The following DOCK4 variants were observed in gnomAD, a reference collection of about 807,000 sequenced individuals.
DOCK4 encodes the protein dedicator of cytokinesis protein 4.
DOCK4 carries 97 observed loss-of-function variants against 268.1 expected under a neutral mutation model. That is an observed-to-expected ratio of 0.36 (90% confidence interval 0.31 to 0.43). DOCK4 has a LOEUF of 0.43. DOCK4 is among the 20% of genes least tolerant of loss of function. The pLI, the probability that DOCK4 is intolerant of heterozygous loss-of-function variation, is 1.00. For missense variants in DOCK4, 2,145 were observed against 2,455.7 expected, an observed-to-expected ratio of 0.87 and a Z score of 2.67; for synonymous variants, 954 against 887.2, an observed-to-expected ratio of 1.08 and a Z score of -1.34.
chr7:112,083,048 G>A (rs561567158), intron 1 of DOCK4, among the ~76,000 whole-genome samples: 3 of 152,134 alleles, frequency 2.0e-5, no homozygotes, highest in African/African-American at 7.2e-5. Flanking sequence ...AGCATTAATT[G>A]TAGCCCCAAA....
chr7:112,200,719 C>CTAAAA lies in DOCK4; in HGVS notation c.37+5378_37+5382dup, dbSNP rs1452610615. ...CTCGTACTAGCTACCATAACAGCCT[C>CTAAAA]TAAAATAAAAAAAAAAAAACAAAAA... On this transcript the variant is annotated intron_variant, in intron 1 of 52. Coordinates refer to ENST00000428084, the MANE Select transcript of DOCK4 (RefSeq NM_001363540.2). Among the ~76,000 whole-genome samples, 82 of 19,998 alleles carry CTAAAA rather than the reference C, an allele frequency of 4.1e-3. 1 individual carries two copies. The highest frequency in any genetic ancestry group is 7.5e-3 in the Non-Finnish European group (57 of 7,578). The allele number at this position is 19,998 out of a possible 152,430, so 13.1% of individuals were successfully genotyped here. A position where few individuals can be genotyped will look rare whatever the true frequency, so the allele number is the denominator to read the frequency against.
At chr7:112,101,846 T>A (rs1810715199) in intron 1 of DOCK4, among the ~76,000 whole-genome samples, 1 of 66,554 alleles carries the variant, frequency 1.5e-5, no homozygotes, top group African/African-American at 4.9e-5. Flanking sequence ...TTTCTTTTTC[T>A]TTTTTTTTTT....
Position 111,863,492 on chromosome 7 carries a change from T to C in DOCK4, c.2353A>G (p.Asn785Asp). The C allele has an allele frequency of 6.2e-7, 1 of 1,613,986 alleles. No homozygotes were observed. ...CTGCCCAGGGTGTCCTGGACCAAGT[T>C]GGCTACTTCCCGGACATCAAAGAGC... ...LKLFDVREVANLVQDTLGSLP... is the reference protein window; with the variant it reads ...LKLFDVREVADLVQDTLGSLP... The change falls in exon 23 of 53, where the codon AAC (asparagine) becomes GAC (aspartate). Residue 785 changes from asparagine (N) to aspartate (D), a missense_variant. Coordinates refer to ENST00000428084, the MANE Select transcript of DOCK4 (RefSeq NM_001363540.2).
chr7:111,759,416 T>C (rs753996506), intron 40 of DOCK4, among the ~76,000 whole-genome samples: 2 of 152,230 alleles, frequency 1.3e-5, no homozygotes, highest in African/African-American at 2.4e-5. Context: ...TTAACTTGTA[T>C]ATTTACCTCC....
At chr7:112,026,170 T>C (rs1362343627) in intron 1 of DOCK4, among the ~76,000 whole-genome samples, 1 of 152,230 alleles carries the variant, frequency 6.6e-6, no homozygotes, top group African/African-American at 2.4e-5. Flanking sequence ...ACCAGTACCA[T>C]TCCTTGGCCT....
intron 13 of DOCK4, among the ~76,000 whole-genome samples, chr7:111,909,718 G>A (rs373792869): frequency 6.6e-5 from 10 of 152,328 alleles, no homozygotes; most frequent in African/African-American, 2.4e-4. Flanking sequence ...GCAGCACTTT[G>A]GGAAGCTGAG....
chr7:112,193,035 A>G (rs1453067047), intron 1 of DOCK4, among the ~76,000 whole-genome samples: 1 of 152,168 alleles, frequency 6.6e-6, no homozygotes, highest in African/African-American at 2.4e-5. Flanking sequence ...AAGTACTCCT[A>G]ACCCAATGCC....
At chr7:111,756,919 G>A (rs1191594176) in intron 41 of DOCK4, among the ~76,000 whole-genome samples, 1 of 152,048 alleles carries the variant, frequency 6.6e-6, no homozygotes, top group Middle Eastern at 3.2e-3. Flanking sequence ...AAGGCTTTGG[G>A]GGCCAACAGA....
At chr7:112,144,883 T>C (rs1019073141) in intron 1 of DOCK4, among the ~76,000 whole-genome samples, 6 of 152,168 alleles carry the variant, frequency 3.9e-5, no homozygotes, top group African/African-American at 1.4e-4. Flanking sequence ...AGAGGTGTGA[T>C]AAGAGGAATC....
intron 1 of DOCK4, among the ~76,000 whole-genome samples, chr7:112,153,048 A>G (rs554167699): frequency 6.6e-6 from 1 of 152,310 alleles, no homozygotes; most frequent in South Asian, 2.1e-4. Context: ...AAAAGTTTGG[A>G]GTGGCAAATG....
At chr7:112,189,871 CA>C (rs1307212984) in intron 1 of DOCK4, among the ~76,000 whole-genome samples, 1 of 151,432 alleles carries the variant, frequency 6.6e-6, no homozygotes, top group Non-Finnish European at 1.5e-5. Flanking sequence ...CATGAGTCAC[CA>C]CACCCGGCTT....
intron 25 of DOCK4, chr7:111,840,972 TAAC>T (rs1803641223): frequency 1.9e-6 from 1 of 531,836 alleles, no homozygotes; most frequent in South Asian, 1.7e-5. Flanking sequence ...AGAATTATTA[TAAC>T]AACAACAATA....
rs374828225 is a variant in DOCK4 at position 111,844,756 on chromosome 7, A to C, written c.2736+7T>G. ...TGTTCCACGTGCCATCTGCTCTATG[A>C]TCTTACAGTGACATCCTGGAACTGG... On this transcript the variant is annotated splice_region_variant and intron_variant, in intron 25 of 52. Transcript: ENST00000428084. 3.7e-6 allele frequency: 6 copies of C among 1,612,322 alleles called. No homozygotes were observed. The highest frequency in any genetic ancestry group is 4.2e-6 in the Non-Finnish European group (5 of 1,179,202).
In DOCK4 at chr7:111,769,651, C is replaced by T. The variant is rs1797993877; in HGVS notation, c.3706G>A (p.Asp1236Asn). 1.2e-6 allele frequency: 2 copies of T among 1,613,628 alleles called. No homozygotes were observed. Among genetic ancestry groups the T allele is most frequent in the Middle Eastern group, 1.6e-4 (1 of 6,062 alleles). ...CGATCAGACCATTCCAGTAGCTCGT[C>T]ATATAAGAGGAGGGTATATGCAGCT... The part of the protein sequence containing the change: ...TEAAYTLLLY[D>N]ELLEWSDRPL... Residue 1236 changes from aspartate (D) to asparagine (N), a missense_variant, in exon 37 of 53, where the codon GAC becomes AAC. By Grantham distance (23) the Asp-to-Asn change is conservative. Around this residue, in one of 2 missense-constraint regions of DOCK4, gnomAD observed 1,598 missense variants for 1,986.7 expected, o/e 0.80. Coordinates refer to ENST00000428084, the MANE Select transcript of DOCK4 (RefSeq NM_001363540.2).
At chr7:111,795,069 T>C (rs1241741279) in intron 30 of DOCK4, among the ~76,000 whole-genome samples, 1 of 152,118 alleles carries the variant, frequency 6.6e-6, no homozygotes, top group Non-Finnish European at 1.5e-5. Flanking sequence ...ACATGTGTCA[T>C]TTGTCCCATA....
chr7:112,180,296 C>A (rs73192991), intron 1 of DOCK4, among the ~76,000 whole-genome samples: 2,034 of 152,242 alleles, frequency 0.013, 23 homozygotes, highest in Non-Finnish European at 0.02. Flanking sequence ...AAGAGCCCAA[C>A]AAGCATCAGA....
intron 42 of DOCK4, 142 bp from the exon 43 acceptor site, chr7:111,747,585 G>A: frequency 1.3e-6 from 1 of 795,470 alleles, no homozygotes; most frequent in Non-Finnish European, 1.9e-6. Flanking sequence ...CCGTAGAATA[G>A]ACAAGGATGT....
intron 30 of DOCK4, among the ~76,000 whole-genome samples, chr7:111,798,612 A>AC (rs1800062159): frequency 6.6e-6 from 1 of 152,186 alleles, no homozygotes; most frequent in Non-Finnish European, 1.5e-5. Context: ...AACTGTTTAC[A>AC]CCCCACATAC....
chr7:111,900,849 T>C (rs1022516079), intron 14 of DOCK4, among the ~76,000 whole-genome samples: 3 of 152,168 alleles, frequency 2.0e-5, no homozygotes, highest in Non-Finnish European at 2.9e-5. Flanking sequence ...CAAAAGCCTG[T>C]TTTGTGCCTC....
Sources: allele counts gnomAD v4.1 joint callset (sites outside exome capture counted in the v4.1 genomes callset), GRCh38; gene constraint gnomAD v4.1.1; regional missense constraint gnomAD v4.1.1; transcripts MANE v1.5; gene names NCBI Gene and HGNC (gene_info 2026-07-23, HGNC 2026-07-21).